Variants in PYHIN1 observed in about 807,000 individuals in gnomAD.
PYHIN1 encodes pyrin and HIN domain-containing protein 1.
In PYHIN1, 32 loss-of-function variants were observed where a neutral mutation model predicts 43.7. The ratio of observed to expected loss-of-function variants is 0.73; its 90% CI spans 0.55 to 0.98. PYHIN1 has a LOEUF of 0.98. Among genes scored for constraint, PYHIN1 ranks in the 50% least tolerant of loss-of-function variants. The probability of loss-of-function intolerance (pLI) is 0.00; values close to 1 mark genes in which losing one functional copy is unlikely to be tolerated. For synonymous variants in PYHIN1, 205 were observed against 203.1 expected, an observed-to-expected ratio of 1.01 and a Z score of -0.08; for missense variants, 588 against 589.5, an observed-to-expected ratio of 1.00 and a Z score of 0.03.
chr1:158,983,519 G>A, the PYHIN1 span, among the ~76,000 whole-genome samples: 1 of 152,034 alleles, frequency 6.6e-6, no homozygotes, highest in African/African-American at 2.4e-5. Flanking sequence ...AGCTTTTGCT[G>A]TGCTGCTGGA....
At chr1:158,986,118 C>A in the PYHIN1 span, among the ~76,000 whole-genome samples, 7 of 152,130 alleles carry the variant, frequency 4.6e-5, no homozygotes, top group African/African-American at 1.7e-4. Flanking sequence ...TTTCAAGAAT[C>A]TTCATTGCCA....
intron 7 of PYHIN1, among the ~76,000 whole-genome samples, chr1:158,960,988 G>A (rs1282049202): frequency 6.6e-6 from 1 of 152,112 alleles, no homozygotes; most frequent in Non-Finnish European, 1.5e-5. Flanking sequence ...GGGTTTCCAT[G>A]AGAAAGGTAA....
Position 158,937,195 on chromosome 1 carries a change from A to G in PYHIN1, c.265+20A>G, listed in dbSNP as rs1286572396. 1 of 1,550,080 alleles carries G rather than the reference A, an allele frequency of 6.5e-7. No individual in the cohort carries two copies. The highest frequency in any genetic ancestry group is 8.7e-7 in the Non-Finnish European group (1 of 1,151,986). On this transcript the variant is annotated intron_variant, in intron 2 of 8. Transcript: ENST00000368140. ...TAAAAGGTAATTGGGAAGAGGGAAC[A>G]CCCACTCCCTGCAATGATCCCCACC...
chr1:158,965,444 T>C (rs1221620033), intron 7 of PYHIN1, among the ~76,000 whole-genome samples: 1 of 152,150 alleles, frequency 6.6e-6, no homozygotes, highest in Non-Finnish European at 1.5e-5. Flanking sequence ...GGAACACACA[T>C]TCTTCTTACT....
chr1:158,973,512 C>CAT (rs967392637), intron 7 of PYHIN1, 135 bp from the exon 8 acceptor site: 2 of 752,494 alleles, frequency 2.7e-6, no homozygotes, highest in African/African-American at 3.6e-5. Flanking sequence ...TTTTCACACA[C>CAT]ACACACACAC....
chr1:158,957,987 C>T (rs1330613896), intron 7 of PYHIN1, among the ~76,000 whole-genome samples: 1 of 151,942 alleles, frequency 6.6e-6, no homozygotes, highest in African/African-American at 2.4e-5. Context: ...TTTATGCAGC[C>T]AAAAAACACA....
rs1408310548 is a variant in PYHIN1, at chr1:158,976,715, G to A, written c.*20G>A. The stretch of plus-strand genomic sequence containing the variant: ...TATGCTTCAAGGTCACCAAGGACAA[G>A]GATATCAAATAACTACTGTTCAATC... On this transcript the variant is annotated 3_prime_UTR_variant, in exon 9 of 9. Transcript: ENST00000368140. 1.3e-6 allele frequency: 2 copies of A among 1,599,618 alleles called. No individual in the cohort carries two copies. The highest frequency in any genetic ancestry group is 1.7e-5 in the Admixed American group (1 of 58,432).
intron 6 of PYHIN1, among the ~76,000 whole-genome samples, chr1:158,944,480 A>C (rs1266899534): frequency 2.0e-5 from 3 of 152,228 alleles, no homozygotes; most frequent in Non-Finnish European, 4.4e-5. Flanking sequence ...GAAAGACTTC[A>C]GGCAGAGAAA....
chr1:158,963,101 C>A (rs982421201), intron 7 of PYHIN1, among the ~76,000 whole-genome samples: 2 of 152,174 alleles, frequency 1.3e-5, no homozygotes, highest in African/African-American at 2.4e-5. Context: ...TCTAGCTGAA[C>A]ATTCCCAGTA....
At chr1:158,948,246 G>T (rs1026978545) in intron 7 of PYHIN1, among the ~76,000 whole-genome samples, 3 of 152,174 alleles carry the variant, frequency 2.0e-5, no homozygotes, top group Non-Finnish European at 4.4e-5. Flanking sequence ...CCAGGAACAG[G>T]TGTCAAACCA....
chr1:158,985,112 AC>A, the PYHIN1 span, among the ~76,000 whole-genome samples: 1 of 152,108 alleles, frequency 6.6e-6, no homozygotes, highest in African/African-American at 2.4e-5. Context: ...TATCCAACTT[AC>A]CATTCTGTGC....
At chr1:158,981,497 A>G (rs141210665), downstream of PYHIN1, among the ~76,000 whole-genome samples, 8 of 152,244 alleles carry the variant, frequency 5.3e-5, no homozygotes, top group African/African-American at 1.4e-4. Flanking sequence ...AAATAAACAA[A>G]CAAACAAAGA....
chr1:158,952,192 C>G (rs991273414), intron 7 of PYHIN1, among the ~76,000 whole-genome samples: 2 of 151,658 alleles, frequency 1.3e-5, no homozygotes, highest in African/African-American at 4.9e-5. Flanking sequence ...CTGCCCCTCC[C>G]CAGCAGTCTA....
chr1:158,945,343 G>A (rs1303781527), intron 7 of PYHIN1: 8 of 232,194 alleles, frequency 3.4e-5, no homozygotes, highest in Non-Finnish European at 8.3e-6. Flanking sequence ...AGTGTGTTAT[G>A]ACCCACATTC....
At chr1:158,970,592 A>G (rs1186363094) in intron 7 of PYHIN1, among the ~76,000 whole-genome samples, 1 of 151,982 alleles carries the variant, frequency 6.6e-6, no homozygotes, top group East Asian at 1.9e-4. Context: ...ACTTTTATCA[A>G]TGAGATTAGA....
At chr1:158,961,840 G>A (rs761507463) in intron 7 of PYHIN1, among the ~76,000 whole-genome samples, 9 of 152,182 alleles carry the variant, frequency 5.9e-5, no homozygotes, top group Non-Finnish European at 1.0e-4. Flanking sequence ...AGCGGCTGCA[G>A]CTCTGGCAAT....
intron 8 of PYHIN1, 39 bp from the exon 9 acceptor site, chr1:158,976,662 C>T (rs766332845): frequency 7.9e-6 from 12 of 1,527,062 alleles, no homozygotes; most frequent in Non-Finnish European, 1.1e-5. Context: ...TGACTCCCTG[C>T]ATCTCAACGG....
intron 2 of PYHIN1, 115 bp downstream of exon 2, chr1:158,937,290 T>A: frequency 8.6e-7 from 1 of 1,157,782 alleles, no homozygotes; most frequent in Non-Finnish European, 1.2e-6. Flanking sequence ...TGTGACTCAC[T>A]GGCCATGGCA....
At chr1:158,974,847 T>C (rs1376346949) in intron 8 of PYHIN1, among the ~76,000 whole-genome samples, 1 of 152,064 alleles carries the variant, frequency 6.6e-6, no homozygotes, top group African/African-American at 2.4e-5. Context: ...GCATATGTAG[T>C]CATTACCAGC....
Sources: gnomAD v4.1 joint callset for allele counts (sites outside exome capture counted in the v4.1 genomes callset) on GRCh38, gnomAD v4.1.1 for gene constraint, MANE v1.5 for transcripts, NCBI Gene and HGNC (gene_info 2026-07-23, HGNC 2026-07-21) for gene names.